Variants in RALYL observed in about 807,000 individuals in gnomAD.
The protein encoded by RALYL is RNA-binding Raly-like protein.
A neutral mutation model predicts 35.1 loss-of-function variants in RALYL; 29 were observed. The observed-to-expected ratio is 0.83, with a 90% CI of 0.61 to 1.13. The LOEUF is 1.13. Among genes scored for constraint, RALYL ranks in the 50% most tolerant of loss-of-function variants. RALYL has a pLI of 0.00. For missense variants in RALYL, 359 were observed against 360.4 expected, an observed-to-expected ratio of 1.00 and a Z score of 0.03; for synonymous variants, 120 against 127.6, an observed-to-expected ratio of 0.94 and a Z score of 0.40.
intron 3 of RALYL, among the ~76,000 whole-genome samples, chr8:84,795,890 C>G (rs980366040): frequency 6.6e-6 from 1 of 152,148 alleles, no homozygotes; most frequent in Non-Finnish European, 1.5e-5. Flanking sequence ...TTTCAGCCAC[C>G]TCAGACTATC....
chr8:84,186,367 AT>A (rs1455919155), intron 1 of RALYL, among the ~76,000 whole-genome samples: 1 of 152,222 alleles, frequency 6.6e-6, no homozygotes, highest in Admixed American at 6.5e-5. Context: ...TTTAAAAATC[AT>A]TTCAATTATA....
intron 3 of RALYL, among the ~76,000 whole-genome samples, chr8:84,776,832 A>G (rs1816956697): frequency 6.6e-6 from 1 of 152,252 alleles, no homozygotes. Context: ...CAAAAGAACT[A>G]GAAGCAGAAT....
intron 1 of RALYL, among the ~76,000 whole-genome samples, chr8:84,388,854 C>T (rs1193195179): frequency 6.6e-6 from 1 of 151,994 alleles, no homozygotes; most frequent in Non-Finnish European, 1.5e-5. Context: ...TAATTAGATC[C>T]CATTTGTCAA....
At chr8:84,472,871 G>T (rs929217673) in intron 1 of RALYL, among the ~76,000 whole-genome samples, 4 of 152,254 alleles carry the variant, frequency 2.6e-5, no homozygotes, top group Admixed American at 2.6e-4. Flanking sequence ...CGGACTGCCT[G>T]CTAGCTTACT....
Position 84,730,234 on chromosome 8 carries a change from A to G in RALYL, c.257-44345A>G, listed in dbSNP as rs919421841. Among the ~76,000 whole-genome samples the G allele has an allele frequency of 3.9e-5, 6 of 152,146 alleles. No individual in the cohort carries two copies. The East Asian group carries it at 7.7e-4, about 20-fold the overall frequency. On this transcript the variant is annotated intron_variant, in intron 2 of 8. Coordinates refer to ENST00000521268, the MANE Select transcript of RALYL (RefSeq NM_173848.7). ...GGGATGCAAGGCTGGTTCAATATAC[A>G]CAAATCAATAAATGTAATCCAGCAT...
chr8:84,278,089 C>A (rs916095080), intron 1 of RALYL, among the ~76,000 whole-genome samples: 6 of 152,246 alleles, frequency 3.9e-5, no homozygotes, highest in African/African-American at 1.4e-4. Flanking sequence ...TCCATGAAGA[C>A]CCTGCCCCTG....
chr8:84,737,348 C>A (rs939967062), intron 2 of RALYL, among the ~76,000 whole-genome samples: 2 of 151,952 alleles, frequency 1.3e-5, no homozygotes, highest in East Asian at 1.9e-4. Context: ...GACCTTTATG[C>A]AACATTGCTT....
chr8:84,573,901 T>C (rs1292761323), intron 2 of RALYL, among the ~76,000 whole-genome samples: 2 of 151,968 alleles, frequency 1.3e-5, no homozygotes, highest in Non-Finnish European at 2.9e-5. Context: ...GTTATTTTTA[T>C]GCTTTTCTTT....
rs754551869 is a variant in RALYL at position 84,631,300 on chromosome 8, G to A, written c.256+101723G>A. ...ATGTTGTTCTCTTAAGGTGACTCCC[G>A]CCCAAAAATCATTCAGTTTATTTTT... On this transcript the variant is annotated intron_variant, in intron 2 of 8. Transcript: ENST00000521268. Among the ~76,000 whole-genome samples the A allele has an allele frequency of 7.4e-4, 112 of 151,956 alleles. 1 individual carries two copies. The Middle Eastern group carries it at 0.017, about 23-fold the overall frequency.
chr8:84,787,401 T>G (rs1309586774), intron 3 of RALYL, among the ~76,000 whole-genome samples: 1 of 152,188 alleles, frequency 6.6e-6, no homozygotes, highest in East Asian at 1.9e-4. Context: ...CTTTGTCCAG[T>G]ATTACTGGAT....
At chr8:84,733,248 A>T (rs549159781) in intron 2 of RALYL, among the ~76,000 whole-genome samples, 22 of 152,080 alleles carry the variant, frequency 1.4e-4, no homozygotes, top group Non-Finnish European at 2.5e-4. Context: ...CCTTCGTTAT[A>T]CTCAGCTTTA....
At chr8:84,872,336 C>T (rs1453861218) in intron 6 of RALYL, 1 of 152,072 alleles carries the variant, frequency 6.6e-6, no homozygotes, top group Non-Finnish European at 1.5e-5. Context: ...ATTCAGTATT[C>T]CAGGATCACT....
intron 1 of RALYL, among the ~76,000 whole-genome samples, chr8:84,257,018 G>A (rs980366947): frequency 6.6e-5 from 10 of 151,330 alleles, no homozygotes; most frequent in African/African-American, 1.9e-4. Flanking sequence ...ATATAACCAC[G>A]ATATAAATAT....
intron 1 of RALYL, among the ~76,000 whole-genome samples, chr8:84,238,946 C>T (rs1827243505): frequency 6.6e-6 from 1 of 152,136 alleles, no homozygotes; most frequent in Admixed American, 6.5e-5. Flanking sequence ...AGTTGTGGCT[C>T]AGAATTAGTG....
At chr8:84,302,652 T>C (rs1366097240) in intron 1 of RALYL, among the ~76,000 whole-genome samples, 1 of 152,152 alleles carries the variant, frequency 6.6e-6, no homozygotes, top group Non-Finnish European at 1.5e-5. Context: ...GGGTTATATG[T>C]AGTAGGCAGA....
intron 1 of RALYL, among the ~76,000 whole-genome samples, chr8:84,453,610 G>C (rs539064816): frequency 4.0e-4 from 60 of 151,460 alleles, no homozygotes; most frequent in Non-Finnish European, 6.3e-4. Flanking sequence ...AAAGTGCCAA[G>C]GCAACTCAGA....
chr8:84,282,230 G>T (rs749830829), intron 1 of RALYL, among the ~76,000 whole-genome samples: 1 of 151,228 alleles, frequency 6.6e-6, no homozygotes, highest in Non-Finnish European at 1.5e-5. Context: ...TACATGTAGC[G>T]TTGAAAAATT....
At position 84,730,812 on chromosome 8, in the gene RALYL, C is replaced by A. The variant is rs1054185652; in HGVS notation, c.257-43767C>A. On this transcript the variant is annotated intron_variant, in intron 2 of 8. Transcript: ENST00000521268. Reference sequence around the variant, plus strand: ...GCCACAAGACTAGAAGCAATGACACCGTTCATCATGGTAGAGGAATTAAAA... The same window carrying A: ...GCCACAAGACTAGAAGCAATGACACAGTTCATCATGGTAGAGGAATTAAAA... Among the ~76,000 whole-genome samples, 7 of 152,040 alleles carry A rather than the reference C, an allele frequency of 4.6e-5. No individual in the cohort carries two copies. The South Asian group carries it at 1.5e-3, about 32-fold the overall frequency.
intron 3 of RALYL, among the ~76,000 whole-genome samples, chr8:84,784,199 C>A (rs1448875366): frequency 6.6e-6 from 1 of 152,156 alleles, no homozygotes. Context: ...ACAGTCTTCA[C>A]ACATGCAGAG....
Sources: gnomAD v4.1 joint callset for allele counts (sites outside exome capture counted in the v4.1 genomes callset) on GRCh38, gnomAD v4.1.1 for gene constraint, MANE v1.5 for transcripts, NCBI Gene and HGNC (gene_info 2026-07-23, HGNC 2026-07-21) for gene names.